The following RPTOR variants were observed in gnomAD, a reference collection of about 807,000 sequenced individuals.
RPTOR encodes regulatory associated protein of MTOR complex 1.
Under a neutral mutation model 169.9 loss-of-function variants are expected in RPTOR, and 21 were observed. That is an observed-to-expected ratio of 0.12 (90% CI 0.09 to 0.18). The LOEUF (loss-of-function observed/expected upper bound fraction) is 0.18, where lower values mean the gene tolerates loss of function less well. RPTOR is among the 10% of genes least tolerant of loss of function. The pLI, the probability that RPTOR is intolerant of heterozygous loss-of-function variation, is 1.00. For missense variants in RPTOR, 1,133 were observed against 1,855.9 expected (o/e 0.61, Z 7.16); for synonymous variants, 732 against 753.2 (o/e 0.97, Z 0.46).
intron 7 of RPTOR, among the ~76,000 whole-genome samples, chr17:80,810,317 G>A (rs1245935508): frequency 7.2e-5 from 11 of 152,210 alleles, no homozygotes; most frequent in Middle Eastern, 3.4e-3. Flanking sequence ...TCCGTTTCAA[G>A]TTGTTTTTTA....
Position 80,823,527 on chromosome 17 carries a change from A to G in RPTOR, c.1136+304A>G. 7.5e-6 allele frequency: 2 copies of G among 267,156 alleles called. No individual in the cohort carries two copies. Among genetic ancestry groups the G allele is most frequent in the Non-Finnish European group, 1.4e-5 (2 of 139,146 alleles). 16.5% of individuals were successfully genotyped at this position (267,156 alleles called of 1,614,324 possible). On this transcript the variant is annotated intron_variant, in intron 9 of 33. Transcript: ENST00000306801. This position sits in a 1 kb window ranked among gnomAD's most constrained non-coding sequence, Gnocchi z 4.5. Reference sequence around the variant, plus strand: ...TTTGCAAGAGAGTTTCTAACCTTTTAGAAACCAGTAGTGAGAAAATAACTT... The same window carrying G: ...TTTGCAAGAGAGTTTCTAACCTTTTGGAAACCAGTAGTGAGAAAATAACTT...
Position 80,646,473 on chromosome 17 carries a change from G to A in RPTOR, c.348+2663G>A, listed in dbSNP as rs957234399. On this transcript the variant is annotated intron_variant, in intron 3 of 33. Transcript: ENST00000306801. The surrounding 1 kb of genome is among the most constrained non-coding windows in gnomAD (Gnocchi z 5.0). ...GGGAGGGAGGCCTGGCATAGATAGC[G>A]TGGCTCTCAGTGTGGGGCAGACCTC... Among the ~76,000 whole-genome samples the A allele has an allele frequency of 1.2e-4, 18 of 152,200 alleles. No homozygotes were observed. The highest frequency in any genetic ancestry group is 9.8e-4 in the Admixed American group (15 of 15,284).
intron 3 of RPTOR, among the ~76,000 whole-genome samples, chr17:80,669,367 C>T (rs1485739888): frequency 6.6e-6 from 1 of 152,236 alleles, no homozygotes; most frequent in African/African-American, 2.4e-5. Context: ...GACCTCATCC[C>T]TGTTGCATAC....
At chr17:80,697,125 A>G (rs923765341) in intron 3 of RPTOR, among the ~76,000 whole-genome samples, 11 of 152,012 alleles carry the variant, frequency 7.2e-5, no homozygotes, top group Admixed American at 2.0e-4. Flanking sequence ...GAGCAAGGTG[A>G]GGGGTTTTAC....
intron 6 of RPTOR, among the ~76,000 whole-genome samples, chr17:80,771,884 G>A (rs1442769707): frequency 6.6e-6 from 1 of 152,210 alleles, no homozygotes; most frequent in East Asian, 1.9e-4. Context: ...TAGCGAGGCA[G>A]TCACAGCTCA....
chr17:80,668,482 G>A (rs1348118760), intron 3 of RPTOR, among the ~76,000 whole-genome samples: 1 of 152,198 alleles, frequency 6.6e-6, no homozygotes, highest in African/African-American at 2.4e-5. Context: ...TTCTCCCAGA[G>A]TCGGCCATGG....
At chr17:80,850,295 A>C (rs940930451) in intron 11 of RPTOR, among the ~76,000 whole-genome samples, 1 of 152,206 alleles carries the variant, frequency 6.6e-6, no homozygotes, top group Non-Finnish European at 1.5e-5. Flanking sequence ...TCACTTATAC[A>C]TGAGAACATG....
chr17:80,840,795 C>T lies in RPTOR; in HGVS notation c.1212+2798C>T, dbSNP rs552131161. Reference sequence around the variant, plus strand: ...TCACCACACCGCAGCTCACACTCACCGCACGGCAGCTCACTCTCACCACGC... The same window carrying T: ...TCACCACACCGCAGCTCACACTCACTGCACGGCAGCTCACTCTCACCACGC... On this transcript the variant is annotated intron_variant, in intron 10 of 33. Coordinates refer to ENST00000306801, the MANE Select transcript of RPTOR (RefSeq NM_020761.3). Among the ~76,000 whole-genome samples the T allele has an allele frequency of 1.1e-3, 143 of 128,860 alleles. 3 individuals carry two copies. The highest frequency in any genetic ancestry group is 1.8e-3 in the Non-Finnish European group (114 of 61,880). 84.5% of individuals were successfully genotyped at this position (128,860 alleles called of 152,430 possible). A position where few individuals can be genotyped will look rare whatever the true frequency, so the allele number is the denominator to read the frequency against.
chr17:80,582,864 A>G (rs2065026403), intron 1 of RPTOR, among the ~76,000 whole-genome samples: 1 of 150,790 alleles, frequency 6.6e-6, no homozygotes, highest in Non-Finnish European at 1.5e-5. Flanking sequence ...TTTTAAATCT[A>G]TTAGAAAAAT....
intron 6 of RPTOR, among the ~76,000 whole-genome samples, chr17:80,765,485 C>T (rs1373812991): frequency 1.3e-5 from 2 of 152,164 alleles, no homozygotes; most frequent in East Asian, 1.9e-4. Flanking sequence ...ATTTGTCGAG[C>T]GTCACTGGAG....
chr17:80,780,540 A>G (rs9915667), intron 6 of RPTOR, among the ~76,000 whole-genome samples: 85,277 of 152,052 alleles, frequency 0.56, 24,352 homozygotes, highest in East Asian at 0.72. Context: ...GAAGGGGATT[A>G]GTGGAGGACA....
intron 4 of RPTOR, among the ~76,000 whole-genome samples, chr17:80,728,758 A>C (rs531713735): frequency 6.7e-6 from 1 of 149,524 alleles, no homozygotes; most frequent in Non-Finnish European, 1.5e-5. Context: ...TCTCTGTACT[A>C]TATAATCATC....
intron 3 of RPTOR, among the ~76,000 whole-genome samples, chr17:80,678,518 G>A (rs1333790502): frequency 1.3e-5 from 2 of 152,206 alleles, no homozygotes; most frequent in Admixed American, 1.3e-4. Context: ...AGACCTAATG[G>A]TCGGGCATGT....
At chr17:80,642,925 A>T (rs943109985) in intron 2 of RPTOR, among the ~76,000 whole-genome samples, 8 of 152,252 alleles carry the variant, frequency 5.3e-5, no homozygotes, top group Non-Finnish European at 1.2e-4. Flanking sequence ...ATTCGCAAAA[A>T]TATGCAAAAA....
chr17:80,566,587 G>A lies in RPTOR; in HGVS notation c.162+20796G>A, dbSNP rs191706049. On this transcript the variant is annotated intron_variant, in intron 1 of 33. Coordinates refer to ENST00000306801, the MANE Select transcript of RPTOR (RefSeq NM_020761.3). ...TGTAATCCCAGCTCTTAGGGAGGCC[G>A]AGGCAGGCGGATCATGAGGTCAGGA... 6.0e-4 allele frequency among the ~76,000 whole-genome samples: 91 copies of A among 152,060 alleles called. 1 individual carries two copies. The highest frequency in any genetic ancestry group is 1.0e-3 in the Non-Finnish European group (70 of 67,964).
At chr17:80,665,516 T>G (rs1205919892) in intron 3 of RPTOR, among the ~76,000 whole-genome samples, 2 of 93,054 alleles carry the variant, frequency 2.1e-5, no homozygotes, top group Non-Finnish European at 4.1e-5. Context: ...GTCCTTTCCT[T>G]TCCTTTCCAT....
chr17:80,910,469 G>A (rs2068598402), intron 21 of RPTOR, among the ~76,000 whole-genome samples: 1 of 152,168 alleles, frequency 6.6e-6, no homozygotes, highest in South Asian at 2.1e-4. Context: ...CAGAAATGTT[G>A]CAGGAAGAAT....
chr17:80,584,425 AT>A (rs2065041706), intron 1 of RPTOR, among the ~76,000 whole-genome samples: 1 of 152,064 alleles, frequency 6.6e-6, no homozygotes, highest in African/African-American at 2.4e-5. Context: ...GATGAGTGGA[AT>A]TCTTCTGGGA....
At chr17:80,893,584 G>T in intron 19 of RPTOR, 123 bp from the exon 20 acceptor site, 1 of 1,297,150 alleles carries the variant, frequency 7.7e-7, no homozygotes. Context: ...ACCAGGGTGT[G>T]TTTGTGCCTG....
Sources: gnomAD v4.1 joint callset for allele counts (sites outside exome capture counted in the v4.1 genomes callset) on GRCh38, gnomAD v4.1.1 for gene constraint, Gnocchi (gnomAD v3.1) non-coding constraint, MANE v1.5 for transcripts, NCBI Gene and HGNC (gene_info 2026-07-23, HGNC 2026-07-21) for gene names.